Variants in RAB27B observed in about 807,000 individuals in gnomAD.
The protein encoded by RAB27B is ras-related protein Rab-27B.
A neutral mutation model predicts 24.6 loss-of-function variants in RAB27B; 15 were observed. That is an observed-to-expected ratio of 0.61 (90% CI 0.41 to 0.94). The LOEUF is 0.94. RAB27B is among the 40% of genes least tolerant of loss of function. The pLI is 0.00. For synonymous variants in RAB27B, 105 were observed against 92.5 expected (o/e 1.14, Z -0.78); for missense variants, 261 against 266.8 (o/e 0.98, Z 0.15).
rs187384979 is a variant in RAB27B, at chr18:54,832,779, G to C, written c.-20+4079G>C. On this transcript the variant is annotated intron_variant, in intron 1 of 5. Coordinates refer to ENST00000262094, the MANE Select transcript of RAB27B (RefSeq NM_004163.4). Reference sequence around the variant, plus strand: ...GGGTGTGGTCAATGGTGTCAGACAGGGCCAAGATAAACAGTGAGATGAGGA... The same window carrying C: ...GGGTGTGGTCAATGGTGTCAGACAGCGCCAAGATAAACAGTGAGATGAGGA... Among the ~76,000 whole-genome samples the C allele has an allele frequency of 6.6e-5, 10 of 152,164 alleles. No homozygotes were observed. In the East Asian group the frequency reaches 1.9e-3, roughly 29 times the overall value.
chr18:54,889,314 A>G lies in RAB27B; in HGVS notation c.558A>G (p.Glu186=). Residue 186 remains glutamate, a synonymous_variant, in exon 6 of 6, where the codon GAA becomes GAG. Transcript: ENST00000262094. ...TGGACTTAATCATGAAGCGAATGGA[A>G]CAGTGTGTGGAGAAGACACAAATCC... ...TLLDLIMKRM[E]QCVEKTQIPD... The G allele has an allele frequency of 6.2e-7, 1 of 1,613,468 alleles. No individual in the cohort carries two copies. The highest frequency in any genetic ancestry group is 1.3e-5 in the African/African-American group (1 of 75,002).
intron 2 of RAB27B, among the ~76,000 whole-genome samples, chr18:54,810,903 C>A (rs903897473): frequency 1.3e-5 from 2 of 151,608 alleles, no homozygotes; most frequent in African/African-American, 4.8e-5. Flanking sequence ...TGTGAACCCT[C>A]CCCCTGCAAT....
At chr18:54,787,200 G>A (rs1423005945) in intron 2 of RAB27B, among the ~76,000 whole-genome samples, 1 of 152,178 alleles carries the variant, frequency 6.6e-6, no homozygotes, top group East Asian at 1.9e-4. Context: ...GCCTTGTAGA[G>A]GTACCAGCTG....
chr18:54,719,240 A>G (rs1178861238), intron 2 of RAB27B, among the ~76,000 whole-genome samples: 2 of 152,146 alleles, frequency 1.3e-5, no homozygotes, highest in Non-Finnish European at 1.5e-5. Flanking sequence ...TGTATTTGAT[A>G]TATTGAAATA....
At chr18:54,836,611 T>C (rs1254870635) in intron 1 of RAB27B, among the ~76,000 whole-genome samples, 1 of 151,990 alleles carries the variant, frequency 6.6e-6, no homozygotes, top group African/African-American at 2.4e-5. Context: ...TAACTATATG[T>C]TTAAAGAAAG....
chr18:54,725,245 T>A (rs764377930), intron 2 of RAB27B, among the ~76,000 whole-genome samples: 1 of 151,436 alleles, frequency 6.6e-6, no homozygotes, highest in African/African-American at 2.4e-5. Context: ...AGATAATATA[T>A]GTAAAGCACT....
At chr18:54,787,183 G>A (rs1284714113) in intron 2 of RAB27B, among the ~76,000 whole-genome samples, 1 of 152,208 alleles carries the variant, frequency 6.6e-6, no homozygotes, top group Admixed American at 6.5e-5. Flanking sequence ...TGGACAGGCA[G>A]TTTCTTGCCT....
At position 54,724,354 on chromosome 18, in the gene RAB27B, T is replaced by C. The variant is rs1047884043; in HGVS notation, c.-20+6213T>C. Reference sequence around the variant, plus strand: ...AGAAAAGTTAATGTTATGTGGCTACTAGAAAAGTTAATGCATGCTTAGGCT... The same window carrying C: ...AGAAAAGTTAATGTTATGTGGCTACCAGAAAAGTTAATGCATGCTTAGGCT... On this transcript the variant is annotated intron_variant, in intron 2 of 4. Transcript: ENST00000586570. Among the ~76,000 whole-genome samples, 2 of 151,500 alleles carry C rather than the reference T, an allele frequency of 1.3e-5. 1 individual carries two copies. The highest frequency in any genetic ancestry group is 3.0e-5 in the Non-Finnish European group (2 of 67,748).
At chr18:54,827,038 G>A (rs1910497796), upstream of RAB27B, among the ~76,000 whole-genome samples, 1 of 152,146 alleles carries the variant, frequency 6.6e-6, no homozygotes, top group South Asian at 2.1e-4. Flanking sequence ...AGGCTCTTAT[G>A]TTCTTTCTTT....
rs1913509176 is a variant in RAB27B at position 54,894,896 on chromosome 18, A to T, written c.*5483A>T. The T allele has an allele frequency of 6.6e-6, 1 of 152,132 alleles. No homozygotes were observed. Among genetic ancestry groups the T allele is most frequent in the Non-Finnish European group, 1.5e-5 (1 of 67,984 alleles). 9.4% of individuals were successfully genotyped at this position (152,132 alleles called of 1,614,324 possible). A position where few individuals can be genotyped will look rare whatever the true frequency, so the allele number is the denominator to read the frequency against. The stretch of plus-strand genomic sequence containing the variant: ...AGAGGTATTGAAAACTGAAAATGGG[A>T]AGGCAACTTGAAGTCATTGTATTTG... On this transcript the variant is annotated 3_prime_UTR_variant, in exon 6 of 6. Transcript: ENST00000262094.
chr18:54,886,820 G>A (rs1913155226), intron 4 of RAB27B, among the ~76,000 whole-genome samples: 2 of 151,974 alleles, frequency 1.3e-5, no homozygotes, highest in South Asian at 2.1e-4. Flanking sequence ...CCAAGTAATT[G>A]GTGTTACAGA....
At chr18:54,795,492 G>A (rs771872342) in intron 2 of RAB27B, among the ~76,000 whole-genome samples, 1 of 152,178 alleles carries the variant, frequency 6.6e-6, no homozygotes, top group Admixed American at 6.5e-5. Flanking sequence ...AAAATTAGAG[G>A]TTTATGCAGC....
In RAB27B at chr18:54,893,612, G is replaced by T. The variant is rs1913455665; in HGVS notation, c.*4199G>T. On this transcript the variant is annotated 3_prime_UTR_variant, in exon 6 of 6. Transcript: ENST00000262094. ...CTCTTATACATGAAAATGGATATAG[G>T]CTATTCTCTGGGATGAGTGTCATTT... 1 of 151,946 alleles carries T rather than the reference G, an allele frequency of 6.6e-6. No homozygotes were observed. Among genetic ancestry groups the T allele is most frequent in the South Asian group, 2.1e-4 (1 of 4,816 alleles). The allele number at this position is 151,946 out of a possible 1,614,324, so 9.4% of individuals were successfully genotyped here.
At chr18:54,771,247 T>G (rs1385085816) in intron 2 of RAB27B, among the ~76,000 whole-genome samples, 1 of 151,690 alleles carries the variant, frequency 6.6e-6, no homozygotes, top group Non-Finnish European at 1.5e-5. Flanking sequence ...ACAGTTTTAT[T>G]GAAGCATTGA....
chr18:54,770,083 G>T (rs1175042728), intron 2 of RAB27B, among the ~76,000 whole-genome samples: 1 of 152,066 alleles, frequency 6.6e-6, no homozygotes, highest in Non-Finnish European at 1.5e-5. Context: ...AACCTTAAGT[G>T]ATCCACCTAC....
intron 2 of RAB27B, among the ~76,000 whole-genome samples, chr18:54,768,847 G>C (rs1162932684): frequency 6.6e-6 from 1 of 152,126 alleles, no homozygotes; most frequent in African/African-American, 2.4e-5. Flanking sequence ...CATGAGGACA[G>C]CATGGGGAAA....
intron 2 of RAB27B, among the ~76,000 whole-genome samples, chr18:54,802,254 G>A (rs1176154917): frequency 6.6e-6 from 1 of 152,174 alleles, no homozygotes; most frequent in Non-Finnish European, 1.5e-5. Context: ...CTTGGAGAAG[G>A]AGGACACAGA....
At chr18:54,868,832 G>A (rs1598978052) in intron 1 of RAB27B, among the ~76,000 whole-genome samples, 1 of 152,184 alleles carries the variant, frequency 6.6e-6, no homozygotes, top group East Asian at 1.9e-4. Context: ...TCACCATGTT[G>A]GCGAGGCTGG....
chr18:54,756,277 G>A (rs1013368536), intron 2 of RAB27B, among the ~76,000 whole-genome samples: 4 of 152,166 alleles, frequency 2.6e-5, no homozygotes, highest in African/African-American at 9.6e-5. Context: ...AGGACAATGT[G>A]AAAGTACTAA....
Sources: gnomAD v4.1 joint callset for allele counts (sites outside exome capture counted in the v4.1 genomes callset) on GRCh38, gnomAD v4.1.1 for gene constraint, MANE v1.5 for transcripts, NCBI Gene and HGNC (gene_info 2026-07-23, HGNC 2026-07-21) for gene names.